The following NCOR1 variants were observed in gnomAD, a reference collection of about 807,000 sequenced individuals.
NCOR1 encodes nuclear receptor corepressor 1, also known as protein phosphatase 1, regulatory subunit 109.
In NCOR1, 63 loss-of-function variants were observed where a neutral mutation model predicts 288.1. The ratio of observed to expected loss-of-function variants is 0.22; its 90% CI spans 0.18 to 0.27. The LOEUF is 0.27. Among genes scored for constraint, NCOR1 ranks in the 10% least tolerant of loss-of-function variants. The pLI, the probability that NCOR1 is intolerant of heterozygous loss-of-function variation, is 1.00. For missense variants in NCOR1, 2,397 were observed against 3,019.2 expected, an observed-to-expected ratio of 0.79 and a Z score of 4.83; for synonymous variants, 1,007 against 1,065.9, an observed-to-expected ratio of 0.94 and a Z score of 1.08.
Position 16,064,072 on chromosome 17 carries a change from C to A in NCOR1, c.5217G>T (p.Arg1739=). Residue 1739 remains arginine (R), a synonymous_variant, in exon 35 of 46, where the codon CGG becomes CGT. Coordinates refer to ENST00000268712, the MANE Select transcript of NCOR1 (RefSeq NM_006311.4). ...IAAASSDLYL[R]PGSEQPGRPG... ...AGAGCAGTGCCTTTCACTGACCTGG[C>A]CGCAGGTAGAGGTCGGAGGAAGCTG... The A allele has an allele frequency of 6.2e-7, 1 of 1,613,954 alleles. No individual in the cohort carries two copies. The highest frequency in any genetic ancestry group is 8.5e-7 in the Non-Finnish European group (1 of 1,179,912).
At position 16,196,841 on chromosome 17, in the gene NCOR1, GAAAAGAAAAAA is replaced by G. The variant is rs1409717925; in HGVS notation, c.-70-2213_-70-2203del. Among the ~76,000 whole-genome samples, 849 of 131,640 alleles carry G rather than the reference GAAAAGAAAAAA, an allele frequency of 6.4e-3. 5 individuals carry two copies. The highest frequency in any genetic ancestry group is 0.02 in the African/African-American group (706 of 35,636). 86.4% of individuals were successfully genotyped at this position (131,640 alleles called of 152,430 possible). A position where few individuals can be genotyped will look rare whatever the true frequency, so the allele number is the denominator to read the frequency against. On this transcript the variant is annotated intron_variant, in intron 1 of 45. Coordinates refer to ENST00000268712, the MANE Select transcript of NCOR1 (RefSeq NM_006311.4). ...CTCTGTCTCAAAAAAAAAAAAAAAA[GAAAAGAAAAAA>G]AAAAGAAAAAAATAATTAGTCAGGC...
intron 21 of NCOR1, among the ~76,000 whole-genome samples, chr17:16,094,982 G>A (rs866425986): frequency 9.9e-5 from 15 of 152,140 alleles, no homozygotes; most frequent in Middle Eastern, 3.4e-3. Context: ...CTGCCCGGCC[G>A]CCACCCCGTC....
At chr17:16,106,564 A>G (rs2068676036) in intron 19 of NCOR1, among the ~76,000 whole-genome samples, 1 of 152,120 alleles carries the variant, frequency 6.6e-6, no homozygotes, top group African/African-American at 2.4e-5. Flanking sequence ...TGTTTTAGGA[A>G]AACAGATAGA....
chr17:16,151,998 G>A lies in NCOR1; in HGVS notation c.790C>T (p.Pro264Ser). 1 of 1,577,222 alleles carries A rather than the reference G, an allele frequency of 6.3e-7. No homozygotes were observed. The highest frequency in any genetic ancestry group is 8.6e-7 in the Non-Finnish European group (1 of 1,159,928). ...FEGLGPKVEL[P>S]LYNQPSDTKV... ...GTATCTGATGGCTGGTTATACAGTG[G>A]CTATAAAAGAAATCAAATATTTATG... The change falls in exon 8 of 46, where the codon CCA (proline) becomes TCA (serine). Residue 264 changes from proline (P) to serine (S), a missense_variant and splice_region_variant. By Grantham distance (74) the Pro-to-Ser change is moderately conservative. Transcript: ENST00000268712.
Position 16,058,024 on chromosome 17 carries a change from A to G in NCOR1, c.6051T>C (p.Tyr2017=), listed in dbSNP as rs2060125415. Residue 2017 remains tyrosine (Y), a synonymous_variant, in exon 39 of 46, where the codon TAT becomes TAC. Coordinates refer to ENST00000268712, the MANE Select transcript of NCOR1 (RefSeq NM_006311.4). The part of the protein sequence containing the change: ...TRQYEGPLHH[Y]RPQQESPSPQ... ...GAGATGGTGATTCCTGCTGTGGTCG[A>G]TAGTGATGTAATGGTCCTTCATATT... is the stretch of plus-strand genomic sequence containing the variant. The G allele has an allele frequency of 6.2e-7, 1 of 1,614,160 alleles. No individual in the cohort carries two copies. Among genetic ancestry groups the G allele is most frequent in the East Asian group, 2.2e-5 (1 of 44,878 alleles).
At position 16,095,713 on chromosome 17, in the gene NCOR1, C is replaced by T. The variant is rs188896785; in HGVS notation, c.2820+2654G>A. On this transcript the variant is annotated intron_variant, in intron 21 of 45. Coordinates refer to ENST00000268712, the MANE Select transcript of NCOR1 (RefSeq NM_006311.4). ...TCCGGGAGGGAGGTGGGGGAGTCAGCCCCCCGCCCGGCCAGCCGCCCCGTC... is the reference window on the plus strand; with the variant it reads ...TCCGGGAGGGAGGTGGGGGAGTCAGTCCCCCGCCCGGCCAGCCGCCCCGTC... Among the ~76,000 whole-genome samples the T allele has an allele frequency of 9.2e-3, 1,011 of 109,866 alleles. 16 individuals are homozygous for T. The highest frequency in any genetic ancestry group is 0.025 in the East Asian group (90 of 3,644). 72.1% of individuals were successfully genotyped at this position (109,866 alleles called of 152,430 possible).
At chr17:16,033,336 C>CAAA (rs59285422) in intron 45 of NCOR1, among the ~76,000 whole-genome samples, 20 of 57,444 alleles carry the variant, frequency 3.5e-4, no homozygotes, top group African/African-American at 8.7e-4. Flanking sequence ...ACTCCGTCTC[C>CAAA]AAAAAAAAAA....
chr17:16,133,161 G>T (rs573412176), intron 14 of NCOR1, among the ~76,000 whole-genome samples: 1 of 152,166 alleles, frequency 6.6e-6, no homozygotes, highest in African/African-American at 2.4e-5. Context: ...TAGAGACAGG[G>T]TTTCAGCATG....
chr17:16,062,947 G>A (rs149040129), intron 35 of NCOR1, among the ~76,000 whole-genome samples: 1 of 152,056 alleles, frequency 6.6e-6, no homozygotes, highest in Non-Finnish European at 1.5e-5. Flanking sequence ...ACTACTTCAC[G>A]CAGAGGATTC....
At chr17:16,150,471 T>C (rs2153372741) in intron 8 of NCOR1, among the ~76,000 whole-genome samples, 1 of 152,324 alleles carries the variant, frequency 6.6e-6, no homozygotes, top group East Asian at 1.9e-4. Flanking sequence ...TATACTCAGT[T>C]TGCTATAATT....
chr17:16,153,154 T>C (rs1413403572), intron 7 of NCOR1, among the ~76,000 whole-genome samples, 185 bp downstream of exon 7: 1 of 152,216 alleles, frequency 6.6e-6, no homozygotes, highest in Non-Finnish European at 1.5e-5. Context: ...GTGATGTTTC[T>C]GCAAAGGTCT....
At chr17:16,097,946 T>A (rs1598570769) in intron 21 of NCOR1, among the ~76,000 whole-genome samples, 2 of 152,180 alleles carry the variant, frequency 1.3e-5, no homozygotes, top group Admixed American at 1.3e-4. Context: ...AGGAACCTAG[T>A]TGGTGACCAA....
intron 14 of NCOR1, among the ~76,000 whole-genome samples, chr17:16,129,426 T>A (rs988146347): frequency 6.6e-6 from 1 of 152,248 alleles, no homozygotes; most frequent in African/African-American, 2.4e-5. Context: ...CTTCACTTGC[T>A]TTATCTGACC....
Position 16,031,073 on chromosome 17 carries a change from TA to T in NCOR1, c.*1222del. 5.2e-6 allele frequency: 1 copy of T among 192,450 alleles called. No individual in the cohort carries two copies. Among genetic ancestry groups the T allele is most frequent in the Non-Finnish European group, 1.1e-5 (1 of 91,914 alleles). The allele number at this position is 192,450 out of a possible 1,614,324, so 11.9% of individuals were successfully genotyped here. On this transcript the variant is annotated 3_prime_UTR_variant, in exon 46 of 46. Coordinates refer to ENST00000268712, the MANE Select transcript of NCOR1 (RefSeq NM_006311.4). ...TCAGCAAGCAATTCTTAATGAAAGA[TA>T]AAACTGGCCCTCTAGTACCATAATT... is the stretch of plus-strand genomic sequence containing the variant.
chr17:16,097,521 TA>T (rs2066857449), intron 21 of NCOR1, among the ~76,000 whole-genome samples: 1 of 152,158 alleles, frequency 6.6e-6, no homozygotes, highest in Admixed American at 6.5e-5. Flanking sequence ...GAGGCCTTCA[TA>T]AAAACCCCAA....
chr17:16,132,965 T>C (rs2075872667), intron 14 of NCOR1, among the ~76,000 whole-genome samples: 1 of 151,460 alleles, frequency 6.6e-6, no homozygotes, highest in African/African-American at 2.4e-5. Context: ...CTTTTCTCTT[T>C]CTCTCTTCTT....
chr17:16,049,088 GCAAAAGCTGCCAATTTCTAT>G (rs2059004161), intron 40 of NCOR1, 100 bp from the exon 41 acceptor site: 1 of 1,241,452 alleles, frequency 8.1e-7, no homozygotes, highest in African/African-American at 1.5e-5. Context: ...AGGAGAAGGA[GCAAAAGCTGCCAATTTCTAT>G]CAGAAAAAAA....
At chr17:16,143,534 A>C in intron 11 of NCOR1, 72 bp downstream of exon 11, 1 of 1,179,700 alleles carries the variant, frequency 8.5e-7, no homozygotes. Flanking sequence ...ATACAAAAAA[A>C]CCCTTAGCTC....
chr17:16,092,171 C>A, intron 21 of NCOR1, 113 bp from the exon 22 acceptor site: 1 of 1,280,816 alleles, frequency 7.8e-7, no homozygotes, highest in Non-Finnish European at 1.1e-6. Context: ...TTGATTTTAT[C>A]ATTTTTTAAT....
Sources: gnomAD v4.1 joint callset for allele counts (sites outside exome capture counted in the v4.1 genomes callset) on GRCh38, gnomAD v4.1.1 for gene constraint, MANE v1.5 for transcripts, NCBI Gene and HGNC (gene_info 2026-07-23, HGNC 2026-07-21) for gene names.